DDX10: variants seen among roughly 807,000 people sequenced by gnomAD.
DDX10 encodes the protein DEAD-box helicase 10, also known as probable ATP-dependent RNA helicase DDX10.
Under a neutral mutation model 104.3 loss-of-function variants are expected in DDX10, and 74 were observed. That is an observed-to-expected ratio of 0.71 (90% CI 0.59 to 0.86). DDX10 has a LOEUF of 0.86. Among genes scored for constraint, DDX10 ranks in the 40% least tolerant of loss-of-function variants. DDX10 has a pLI of 0.00. For synonymous variants in DDX10, 351 were observed against 353.4 expected (o/e 0.99, Z 0.08); for missense variants, 952 against 1,040.0 (o/e 0.92, Z 1.16).
At chr11:108,768,622 G>A (rs1452825734) in intron 13 of DDX10, among the ~76,000 whole-genome samples, 1 of 152,158 alleles carries the variant, frequency 6.6e-6, no homozygotes, top group Non-Finnish European at 1.5e-5. Flanking sequence ...TGTCATAAGA[G>A]CATACTTGAG....
At chr11:108,685,179 G>C (rs1389047253) in intron 6 of DDX10, among the ~76,000 whole-genome samples, 1 of 151,914 alleles carries the variant, frequency 6.6e-6, no homozygotes, top group Non-Finnish European at 1.5e-5. Context: ...GTAGCAATCA[G>C]CGCGATTCCG....
At chr11:108,732,697 G>T (rs866998648) in intron 13 of DDX10, among the ~76,000 whole-genome samples, 4 of 152,178 alleles carry the variant, frequency 2.6e-5, no homozygotes, top group African/African-American at 9.6e-5. Context: ...CAGGTGTAGT[G>T]ATCAGGCACA....
At chr11:108,864,665 G>T (rs1862985179) in intron 16 of DDX10, among the ~76,000 whole-genome samples, 1 of 151,952 alleles carries the variant, frequency 6.6e-6, no homozygotes, top group African/African-American at 2.4e-5. Flanking sequence ...TTCCTGTGTT[G>T]CCCAGGCTGG....
intron 13 of DDX10, among the ~76,000 whole-genome samples, chr11:108,796,189 A>T (rs1443041269): frequency 6.6e-6 from 1 of 152,066 alleles, no homozygotes; most frequent in Admixed American, 6.6e-5. Flanking sequence ...CACTTGTGAT[A>T]TTGCTAATTG....
At chr11:108,701,750 G>A (rs1189093651) in intron 9 of DDX10, among the ~76,000 whole-genome samples, 3 of 137,766 alleles carry the variant, frequency 2.2e-5, no homozygotes, top group South Asian at 2.4e-4. Context: ...GCAGTGGCGC[G>A]ATCTTGGCTC....
intron 1 of DDX10, among the ~76,000 whole-genome samples, chr11:108,668,054 G>A (rs1455558486): frequency 6.6e-6 from 1 of 152,240 alleles, no homozygotes; most frequent in Non-Finnish European, 1.5e-5. Context: ...TTTGCTGTAA[G>A]ACTAGACCTT....
At chr11:108,810,251 C>A (rs1862160712) in intron 13 of DDX10, among the ~76,000 whole-genome samples, 1 of 152,148 alleles carries the variant, frequency 6.6e-6, no homozygotes, top group Non-Finnish European at 1.5e-5. Flanking sequence ...ATTTGTAATG[C>A]AGTGGAACTT....
intron 17 of DDX10, among the ~76,000 whole-genome samples, chr11:108,928,491 T>G (rs929153524): frequency 6.6e-6 from 1 of 152,178 alleles, no homozygotes; most frequent in African/African-American, 2.4e-5. Flanking sequence ...CACGCTGTAT[T>G]ATTATCAACT....
intron 7 of DDX10, 63 bp from the exon 8 acceptor site, chr11:108,691,813 A>C: frequency 1.4e-6 from 2 of 1,472,912 alleles, no homozygotes; most frequent in Non-Finnish European, 1.8e-6. Flanking sequence ...ATACGTTGAT[A>C]AGAGAAAAGC....
intron 13 of DDX10, among the ~76,000 whole-genome samples, chr11:108,745,078 C>CCCCTTCT (rs2094329894): frequency 2.2e-5 from 2 of 92,228 alleles, no homozygotes; most frequent in South Asian, 1.0e-3. Flanking sequence ...TTCCCCCTTC[C>CCCCTTCT]CTTCCTTTCC....
intron 16 of DDX10, among the ~76,000 whole-genome samples, chr11:108,863,229 T>A (rs960345090): frequency 1.3e-5 from 2 of 152,204 alleles, no homozygotes; most frequent in African/African-American, 4.8e-5. Context: ...GTAGGCACTT[T>A]TTGTTAATGT....
chr11:108,670,835 G>GTTGA (rs1189945892), intron 1 of DDX10, among the ~76,000 whole-genome samples: 1 of 151,882 alleles, frequency 6.6e-6, no homozygotes, highest in East Asian at 1.9e-4. Flanking sequence ...GTCTGGTGTA[G>GTTGA]TTGAGGCGGT....
chr11:108,719,961 G>A, intron 12 of DDX10, 76 bp downstream of exon 12: 2 of 917,922 alleles, frequency 2.2e-6, no homozygotes, highest in Non-Finnish European at 3.5e-6. Flanking sequence ...TAGAGATGGG[G>A]TCTTGCTATG....
chr11:108,788,643 G>A (rs1309192772), intron 13 of DDX10, among the ~76,000 whole-genome samples: 3 of 152,246 alleles, frequency 2.0e-5, no homozygotes, highest in African/African-American at 4.8e-5. Flanking sequence ...GATGACAGGC[G>A]TAAGCCATGG....
intron 17 of DDX10, among the ~76,000 whole-genome samples, chr11:108,923,239 G>T (rs539148828): frequency 6.6e-6 from 1 of 152,176 alleles, no homozygotes; most frequent in African/African-American, 2.4e-5. Flanking sequence ...GAACTGCACA[G>T]AGTCCTGTGT....
At chr11:108,697,224 CTTTTTTT>C (rs5794600) in intron 9 of DDX10, among the ~76,000 whole-genome samples, 1 of 121,482 alleles carries the variant, frequency 8.2e-6, no homozygotes, top group African/African-American at 3.0e-5. Flanking sequence ...ATATATAATG[CTTTTTTT>C]TTTTTTTTTT....
intron 16 of DDX10, among the ~76,000 whole-genome samples, chr11:108,898,514 A>G (rs939547279): frequency 6.6e-5 from 10 of 152,156 alleles, no homozygotes; most frequent in Admixed American, 4.6e-4. Context: ...ATAACAAATG[A>G]CACAGAAAGA....
chr11:108,756,520 G>A (rs931524649), intron 13 of DDX10, among the ~76,000 whole-genome samples: 1 of 152,014 alleles, frequency 6.6e-6, no homozygotes, highest in African/African-American at 2.4e-5. Flanking sequence ...GTTGCTCCAT[G>A]CATTTGGATT....
chr11:108,773,426 C>G (rs1212364028), intron 13 of DDX10, among the ~76,000 whole-genome samples: 1 of 152,184 alleles, frequency 6.6e-6, no homozygotes, highest in Non-Finnish European at 1.5e-5. Flanking sequence ...TGTTCTTTAA[C>G]TGCCATGGTT....
Sources: gnomAD v4.1 joint callset for allele counts (sites outside exome capture counted in the v4.1 genomes callset) on GRCh38, gnomAD v4.1.1 for gene constraint, MANE v1.5 for transcripts, NCBI Gene and HGNC (gene_info 2026-07-23, HGNC 2026-07-21) for gene names.